Variants in EPB41L2 observed in about 807,000 individuals in gnomAD.
EPB41L2 encodes the protein band 4.1-like protein 2.
A neutral mutation model predicts 113.0 loss-of-function variants in EPB41L2; 43 were observed. That is an observed-to-expected ratio of 0.38 (90% CI 0.30 to 0.49). The LOEUF is 0.49. Ranked by LOEUF, EPB41L2 falls within the 20% of genes least tolerant of loss-of-function variation. The pLI, the probability that EPB41L2 is intolerant of heterozygous loss-of-function variation, is 0.95. For missense variants in EPB41L2, 1,147 were observed against 1,223.4 expected (o/e 0.94, Z 0.93); for synonymous variants, 442 against 436.7 (o/e 1.01, Z -0.15).
intron 12 of EPB41L2, 49 bp from the exon 13 acceptor site, chr6:130,880,255 T>C: frequency 7.4e-7 from 1 of 1,348,890 alleles, no homozygotes; most frequent in Non-Finnish European, 1.1e-6. Flanking sequence ...TAAACATAAG[T>C]GTATCAATCA....
At chr6:131,026,467 T>TG (rs1428061188) in intron 1 of EPB41L2, among the ~76,000 whole-genome samples, 2 of 152,202 alleles carry the variant, frequency 1.3e-5, no homozygotes, top group Admixed American at 1.3e-4. Flanking sequence ...TTTTCTTGCT[T>TG]GGGGGAGAGC....
intron 12 of EPB41L2, among the ~76,000 whole-genome samples, chr6:130,884,458 A>G (rs1045078076): frequency 1.3e-5 from 2 of 152,250 alleles, no homozygotes; most frequent in African/African-American, 4.8e-5. Flanking sequence ...AGACACAGAA[A>G]AGAGATCTGA....
intron 3 of EPB41L2, among the ~76,000 whole-genome samples, chr6:130,933,632 C>T (rs143226240): frequency 6.6e-6 from 1 of 152,166 alleles, no homozygotes; most frequent in Non-Finnish European, 1.5e-5. Context: ...ATACATTATT[C>T]AAAAATTAGA....
chr6:131,034,252 A>G (rs959735841), intron 1 of EPB41L2, among the ~76,000 whole-genome samples: 2 of 152,174 alleles, frequency 1.3e-5, no homozygotes, highest in Admixed American at 6.5e-5. Context: ...TCTGAGACCA[A>G]TAAACATATT....
chr6:130,952,010 G>A (rs932119589), intron 3 of EPB41L2, among the ~76,000 whole-genome samples: 1 of 152,232 alleles, frequency 6.6e-6, no homozygotes, highest in African/African-American at 2.4e-5. Flanking sequence ...ATTAAAAGTC[G>A]TGAAGATTTG....
At chr6:131,005,597 C>T (rs1309662497) in intron 1 of EPB41L2, among the ~76,000 whole-genome samples, 1 of 152,128 alleles carries the variant, frequency 6.6e-6, no homozygotes, top group Non-Finnish European at 1.5e-5. Context: ...TAGTTATTAC[C>T]CATATTCCTG....
At chr6:130,930,091 T>C (rs1258459009) in intron 3 of EPB41L2, among the ~76,000 whole-genome samples, 2 of 152,076 alleles carry the variant, frequency 1.3e-5, no homozygotes, top group Non-Finnish European at 2.9e-5. Flanking sequence ...ATTCTCCTTG[T>C]TGCATATGAT....
At chr6:131,017,628 ATCAATGTG>A (rs1439217358) in intron 1 of EPB41L2, among the ~76,000 whole-genome samples, 1 of 152,178 alleles carries the variant, frequency 6.6e-6, no homozygotes, top group African/African-American at 2.4e-5. Flanking sequence ...TTTTGCTATT[ATCAATGTG>A]TCAATAAGCA....
chr6:130,982,828 A>G (rs769483330), intron 1 of EPB41L2, among the ~76,000 whole-genome samples: 2 of 152,232 alleles, frequency 1.3e-5, no homozygotes, highest in Non-Finnish European at 2.9e-5. Context: ...TTTTGTAGTC[A>G]AAGAAAATGA....
intron 7 of EPB41L2, among the ~76,000 whole-genome samples, chr6:130,900,317 T>C (rs535730086): frequency 1.3e-5 from 2 of 152,334 alleles, no homozygotes; most frequent in African/African-American, 4.8e-5. Context: ...TTTAGTAATA[T>C]TTAATAAAAC....
intron 19 of EPB41L2, among the ~76,000 whole-genome samples, chr6:130,856,411 C>A (rs1357130825): frequency 6.6e-6 from 1 of 152,122 alleles, no homozygotes; most frequent in African/African-American, 2.4e-5. Context: ...GGTGAACAAG[C>A]ATTTAAGGTT....
chr6:130,839,618 A>G lies in EPB41L2; in HGVS notation c.*986T>C, dbSNP rs762171506. ...TCAAACCTGTGTGAATCATAAAACTATCTGAAAGAGATAGGCCTGCTCAAT... is the reference window on the plus strand; with the variant it reads ...TCAAACCTGTGTGAATCATAAAACTGTCTGAAAGAGATAGGCCTGCTCAAT... On this transcript the variant is annotated 3_prime_UTR_variant, in exon 20 of 20. Transcript: ENST00000337057. The G allele has an allele frequency of 2.0e-5, 3 of 151,732 alleles. No homozygotes were observed. The highest frequency in any genetic ancestry group is 6.6e-5 in the Admixed American group (1 of 15,262). The allele number at this position is 151,732 out of a possible 1,614,324, so 9.4% of individuals were successfully genotyped here.
chr6:131,058,907 T>C (rs141385968), intron 1 of EPB41L2, among the ~76,000 whole-genome samples: 4,316 of 152,134 alleles, frequency 0.028, 192 homozygotes, highest in African/African-American at 0.097. Flanking sequence ...TTCCAGCTAC[T>C]TGGAAGGCTG....
chr6:130,946,890 A>T (rs1000494753), intron 3 of EPB41L2, among the ~76,000 whole-genome samples: 1 of 152,226 alleles, frequency 6.6e-6, no homozygotes. Flanking sequence ...TTTGTTGACC[A>T]AAGGTACTGA....
At chr6:130,917,117 C>T (rs1234916766) in intron 4 of EPB41L2, among the ~76,000 whole-genome samples, 3 of 152,194 alleles carry the variant, frequency 2.0e-5, no homozygotes, top group Non-Finnish European at 4.4e-5. Context: ...ACCACTTTCA[C>T]CTGAGAAGAG....
chr6:130,926,953 A>G (rs1165297435), intron 3 of EPB41L2, among the ~76,000 whole-genome samples: 3 of 152,222 alleles, frequency 2.0e-5, no homozygotes, highest in African/African-American at 4.8e-5. Flanking sequence ...CTGCTACTCA[A>G]TATAGACATA....
chr6:130,843,013 T>C (rs998435133), intron 19 of EPB41L2, among the ~76,000 whole-genome samples: 10 of 68,988 alleles, frequency 1.4e-4, no homozygotes, highest in Non-Finnish European at 2.6e-4. Context: ...GTAAATCAAG[T>C]TTAACTCTGA....
intron 14 of EPB41L2, 116 bp downstream of exon 14, chr6:130,877,988 A>G: frequency 2.8e-6 from 3 of 1,083,924 alleles, no homozygotes; most frequent in Non-Finnish European, 3.7e-6. Context: ...TAATTACATA[A>G]AAATAATTAA....
rs547572805 is a variant in EPB41L2 at position 130,884,296 on chromosome 6, T to C, written c.1833+800A>G. ...GCTGCAGTGAGCTGAGATCGAGCCA[T>C]TGCACTCCAGCCTGGGCAACAAGAG... On this transcript the variant is annotated intron_variant, in intron 12 of 19. Transcript: ENST00000337057. 3.8e-4 allele frequency among the ~76,000 whole-genome samples: 58 copies of C among 152,106 alleles called. 1 individual carries two copies. In the South Asian group the frequency reaches 4.1e-3, roughly 11 times the overall value.
Sources: allele counts gnomAD v4.1 joint callset (sites outside exome capture counted in the v4.1 genomes callset), GRCh38; gene constraint gnomAD v4.1.1; transcripts MANE v1.5; gene names NCBI Gene and HGNC (gene_info 2026-07-23, HGNC 2026-07-21).